LMTK2: variants seen among roughly 807,000 people sequenced by gnomAD.
The protein encoded by LMTK2 is lemur tail kinase 2, also known as serine/threonine-protein kinase LMTK2.
In LMTK2, 37 loss-of-function variants were observed where a neutral mutation model predicts 127.5. The observed-to-expected ratio is 0.29, with a 90% CI of 0.22 to 0.38. The LOEUF is 0.38. Among genes scored for constraint, LMTK2 ranks in the 10% least tolerant of loss-of-function variants. LMTK2 has a pLI of 1.00. For synonymous variants in LMTK2, 819 were observed against 810.1 expected (o/e 1.01, Z -0.19); for missense variants, 1,694 against 1,920.3 (o/e 0.88, Z 2.20).
At chr7:98,121,143 T>A (rs1298172022) in intron 1 of LMTK2, among the ~76,000 whole-genome samples, 1 of 152,114 alleles carries the variant, frequency 6.6e-6, no homozygotes, top group Non-Finnish European at 1.5e-5. Context: ...AGGCCACCCG[T>A]TCACCCTGGT....
chr7:98,187,976 T>C (rs979244027), intron 9 of LMTK2, among the ~76,000 whole-genome samples: 1 of 152,174 alleles, frequency 6.6e-6, no homozygotes, highest in Non-Finnish European at 1.5e-5. Context: ...TCCAGACATG[T>C]ATCATTTTTT....
chr7:98,165,213 A>T (rs1200205833), intron 6 of LMTK2, among the ~76,000 whole-genome samples: 3 of 152,222 alleles, frequency 2.0e-5, no homozygotes, highest in Non-Finnish European at 4.4e-5. Flanking sequence ...TACGATGAGG[A>T]AGCTCTGAGC....
chr7:98,118,439 G>T (rs889934510), intron 1 of LMTK2, among the ~76,000 whole-genome samples: 2 of 152,184 alleles, frequency 1.3e-5, no homozygotes, highest in African/African-American at 4.8e-5. Context: ...ATTGGTAAAA[G>T]TTCAGATGAA....
rs967469610 is a variant in LMTK2, at chr7:98,131,700, C to T, written c.104-5615C>T. On this transcript the variant is annotated intron_variant, in intron 1 of 13. Coordinates refer to ENST00000297293, the MANE Select transcript of LMTK2 (RefSeq NM_014916.4). The stretch of plus-strand genomic sequence containing the variant: ...TTGGATTAAAAATACGATTTAAAAA[C>T]GTGAATTCTTAATTATTCTTAGCTT... Among the ~76,000 whole-genome samples the T allele has an allele frequency of 4.6e-5, 7 of 152,220 alleles. No homozygotes were observed. In the East Asian group the frequency reaches 7.7e-4, roughly 17 times the overall value.
At chr7:98,145,093 A>G (rs1273605435) in intron 3 of LMTK2, among the ~76,000 whole-genome samples, 1 of 152,182 alleles carries the variant, frequency 6.6e-6, no homozygotes, top group Non-Finnish European at 1.5e-5. Flanking sequence ...TACCCTCTGC[A>G]GGAGTCGACC....
intron 7 of LMTK2, among the ~76,000 whole-genome samples, chr7:98,182,663 A>G (rs1285531723): frequency 1.3e-5 from 2 of 152,340 alleles, no homozygotes; most frequent in East Asian, 3.9e-4. Flanking sequence ...TCACAGTGGG[A>G]AGCAGTATGG....
intron 7 of LMTK2, among the ~76,000 whole-genome samples, chr7:98,183,734 C>T (rs1414634533): frequency 2.0e-5 from 3 of 152,086 alleles, no homozygotes; most frequent in South Asian, 2.1e-4. Flanking sequence ...AGGATTTTGC[C>T]GTGTTGGCCA....
chr7:98,180,569 A>G (rs182789250), intron 7 of LMTK2, among the ~76,000 whole-genome samples: 28 of 152,268 alleles, frequency 1.8e-4, no homozygotes, highest in African/African-American at 5.8e-4. Context: ...TAAATTCTAT[A>G]ATTGTTCTGT....
chr7:98,118,145 C>T lies in LMTK2; in HGVS notation c.103+10865C>T, dbSNP rs1796313421. ...GACAGATGAGCTGGAAGGACTCTGTCCATGTTTTCTCCCTGTCACTTAAAC... is the reference window on the plus strand; with the variant it reads ...GACAGATGAGCTGGAAGGACTCTGTTCATGTTTTCTCCCTGTCACTTAAAC... On this transcript the variant is annotated intron_variant, in intron 1 of 13. Transcript: ENST00000297293. Among the ~76,000 whole-genome samples the T allele has an allele frequency of 1.3e-5, 2 of 152,142 alleles. 1 individual carries two copies. The highest frequency in any genetic ancestry group is 2.9e-5 in the Non-Finnish European group (2 of 68,034).
intron 10 of LMTK2, 94 bp from the exon 11 acceptor site, chr7:98,191,520 C>G: frequency 9.5e-7 from 1 of 1,049,342 alleles, no homozygotes. Flanking sequence ...CCACTGCACT[C>G]CAGACTGGGT....
At chr7:98,138,763 A>C (rs1291555095) in intron 2 of LMTK2, among the ~76,000 whole-genome samples, 1 of 152,178 alleles carries the variant, frequency 6.6e-6, no homozygotes, top group East Asian at 1.9e-4. Flanking sequence ...CTCACATTTC[A>C]TGATGCCTCA....
rs1333188453 is a variant in LMTK2 at position 98,193,181 on chromosome 7, G to A, written c.2716G>A (p.Asp906Asn). 1 of 1,613,720 alleles carries A rather than the reference G, an allele frequency of 6.2e-7. No homozygotes were observed. The highest frequency in any genetic ancestry group is 1.7e-5 in the Admixed American group (1 of 60,014). ...LTESDSVLAD[D>N]ILASRVSVGS... is the part of the protein sequence containing the mutation. ...CGAAAGTGACTCTGTTCTTGCTGAT[G>A]ACATCCTTGCCAGCAGGGTGAGTGT... Residue 906 changes from aspartate (D) to asparagine (N), a missense_variant, in exon 11 of 14, where the codon GAC becomes AAC. Coordinates refer to ENST00000297293, the MANE Select transcript of LMTK2 (RefSeq NM_014916.4). The surrounding 1 kb of genome is among the most constrained non-coding windows in gnomAD (Gnocchi z 4.1).
intron 5 of LMTK2, among the ~76,000 whole-genome samples, chr7:98,156,501 A>G (rs749754168): frequency 1.3e-5 from 2 of 152,116 alleles, no homozygotes; most frequent in African/African-American, 2.4e-5. Context: ...AATAGTGACA[A>G]TACCAAATGC....
At position 98,107,208 on chromosome 7, in the gene LMTK2, C is replaced by T. The variant is rs1466515480; in HGVS notation, c.31C>T (p.Leu11=). The T allele has an allele frequency of 3.1e-6, 4 of 1,298,528 alleles. No individual in the cohort carries two copies. Among genetic ancestry groups the T allele is most frequent in the Non-Finnish European group, 3.0e-6 (3 of 1,000,370 alleles). 80.4% of individuals were successfully genotyped at this position (1,298,528 alleles called of 1,614,324 possible). The change falls in exon 1 of 14, where the codon CTG becomes TTG. Residue 11 remains leucine (L), a synonymous_variant. Transcript: ENST00000297293. The part of the protein sequence containing the change: MPGPPALRRR[L]LLLLLVLLIA... ...GGGGCCGCCGGCGTTGCGGCGGAGG[C>T]TGCTGCTGCTGCTGCTGGTCCTCCT...
chr7:98,193,439 C>G lies in LMTK2; in HGVS notation c.2974C>G (p.Pro992Ala). 6.2e-7 allele frequency: 1 copy of G among 1,614,170 alleles called. No individual in the cohort carries two copies. Among genetic ancestry groups the G allele is most frequent in the African/African-American group, 1.3e-5 (1 of 75,056 alleles). Residue 992 changes from proline (P) to alanine (A), a missense_variant, in exon 11 of 14, where the codon CCG becomes GCG. Transcript: ENST00000297293. The surrounding 1 kb of genome is among the most constrained non-coding windows in gnomAD (Gnocchi z 4.1). ...SLSAPFPASE[P>A]SLETPDSLES... The stretch of plus-strand genomic sequence containing the variant: ...GTCAGCACCCTTCCCAGCCTCTGAG[C>G]CGTCCCTGGAAACCCCGGACTCTCT...
rs1207023859 is a variant in LMTK2, at chr7:98,194,656, T to C, written c.4107+84T>C. ...CTAGGAAATTGAGTGTGGTCTGTTTTCTAGTTGCCATTTTGAGGCAGCAGA... is the reference window on the plus strand; with the variant it reads ...CTAGGAAATTGAGTGTGGTCTGTTTCCTAGTTGCCATTTTGAGGCAGCAGA... On this transcript the variant is annotated intron_variant, in intron 11 of 13. Coordinates refer to ENST00000297293, the MANE Select transcript of LMTK2 (RefSeq NM_014916.4). This position sits in a 1 kb window ranked among gnomAD's most constrained non-coding sequence, Gnocchi z 5.4. The C allele has an allele frequency of 2.3e-6, 3 of 1,280,950 alleles. No homozygotes were observed. Among genetic ancestry groups the C allele is most frequent in the African/African-American group, 3.0e-5 (2 of 67,036 alleles). 79.3% of individuals were successfully genotyped at this position (1,280,950 alleles called of 1,614,324 possible).
At chr7:98,139,763 T>G (rs1796649810) in intron 2 of LMTK2, among the ~76,000 whole-genome samples, 1 of 152,204 alleles carries the variant, frequency 6.6e-6, no homozygotes, top group Non-Finnish European at 1.5e-5. Context: ...GTTAGAGAAA[T>G]CTACCATTGT....
chr7:98,139,861 G>T (rs1796650873), intron 2 of LMTK2, among the ~76,000 whole-genome samples: 1 of 152,166 alleles, frequency 6.6e-6, no homozygotes, highest in Non-Finnish European at 1.5e-5. Flanking sequence ...GTTCAGTGGA[G>T]AACAGTCTTG....
chr7:98,199,236 G>T lies in LMTK2; in HGVS notation c.4108-4338G>T, dbSNP rs575655527. Among the ~76,000 whole-genome samples the T allele has an allele frequency of 3.3e-5, 5 of 152,080 alleles. No individual in the cohort carries two copies. In the South Asian group the frequency reaches 1.0e-3, roughly 32 times the overall value. ...TAAATGTCAGATTTAATTTGTTGAT[G>T]GTATTAGTTCTTCTCTGTCATTGCC... On this transcript the variant is annotated intron_variant, in intron 11 of 13. Coordinates refer to ENST00000297293, the MANE Select transcript of LMTK2 (RefSeq NM_014916.4).
Sources: allele counts gnomAD v4.1 joint callset (sites outside exome capture counted in the v4.1 genomes callset), GRCh38; gene constraint gnomAD v4.1.1; non-coding constraint Gnocchi (gnomAD v3.1); transcripts MANE v1.5; gene names NCBI Gene and HGNC (gene_info 2026-07-23, HGNC 2026-07-21).